ABCA13: variants seen among roughly 807,000 people sequenced by gnomAD.
ABCA13 encodes the protein ATP binding cassette subfamily A member 13.
ABCA13 carries 476 observed loss-of-function variants against 478.7 expected under a neutral mutation model. The observed-to-expected ratio is 0.99, with a 90% CI of 0.92 to 1.07. The LOEUF (loss-of-function observed/expected upper bound fraction) is 1.07, where lower values mean the gene tolerates loss of function less well. ABCA13 is among the 50% of genes least tolerant of loss of function. ABCA13 has a pLI of 0.00. For missense variants in ABCA13, 6,060 were observed against 5,910.6 expected, an observed-to-expected ratio of 1.03 and a Z score of -0.83; for synonymous variants, 2,252 against 2,158.9, an observed-to-expected ratio of 1.04 and a Z score of -1.20.
chr7:48,342,753 T>C (rs1807435470), intron 29 of ABCA13, among the ~76,000 whole-genome samples: 1 of 152,170 alleles, frequency 6.6e-6, no homozygotes, highest in African/African-American at 2.4e-5. Context: ...TTTCCTTTTC[T>C]ATATAATCCA....
intron 48 of ABCA13, among the ~76,000 whole-genome samples, chr7:48,494,569 C>T (rs1026068377): frequency 6.6e-6 from 1 of 152,142 alleles, no homozygotes; most frequent in Admixed American, 6.6e-5. Context: ...AACAAAAGGA[C>T]AGCAAAGCCA....
intron 43 of ABCA13, among the ~76,000 whole-genome samples, chr7:48,463,996 G>A (rs1432254586): frequency 3.3e-5 from 5 of 152,166 alleles, no homozygotes; most frequent in Admixed American, 6.5e-5. Flanking sequence ...GGCCCATTAG[G>A]AGTGTGTATT....
intron 29 of ABCA13, among the ~76,000 whole-genome samples, chr7:48,341,931 A>T (rs1807298638): frequency 8.4e-6 from 1 of 119,628 alleles, no homozygotes; most frequent in African/African-American, 3.2e-5. Flanking sequence ...ATATATACTC[A>T]TATATATATA....
chr7:48,279,008 A>G lies in ABCA13; in HGVS notation c.7814A>G (p.Glu2605Gly). 6.2e-7 allele frequency: 1 copy of G among 1,613,434 alleles called. No homozygotes were observed. Among genetic ancestry groups the G allele is most frequent in the Non-Finnish European group, 8.5e-7 (1 of 1,179,816 alleles). The change falls in exon 18 of 62, where the codon GAA (glutamate) becomes GGA (glycine). Residue 2605 changes from glutamate to glycine, a missense_variant. By Grantham distance (98) the Glu-to-Gly change is moderately conservative. Coordinates refer to ENST00000435803, the MANE Select transcript of ABCA13 (RefSeq NM_152701.5). ...TTGGCCTTTGAAATGATTGGGGTAGAACCTTATATATCATCAAACTCTGAT... is the reference window on the plus strand; with the variant it reads ...TTGGCCTTTGAAATGATTGGGGTAGGACCTTATATATCATCAAACTCTGAT... The part of the protein sequence containing the change: ...LDLAFEMIGV[E>G]PYISSNSDIF...
intron 55 of ABCA13, among the ~76,000 whole-genome samples, chr7:48,531,006 G>A (rs190840859): frequency 2.4e-3 from 366 of 152,174 alleles, no homozygotes; most frequent in Middle Eastern, 6.8e-3. Context: ...AGTCCCATCT[G>A]TTTATCTTTG....
At chr7:48,370,087 C>A (rs1812398147) in intron 32 of ABCA13, among the ~76,000 whole-genome samples, 1 of 152,082 alleles carries the variant, frequency 6.6e-6, no homozygotes, top group Admixed American at 6.6e-5. Flanking sequence ...TGTAGTTTTC[C>A]TTGTAGAGGT....
At chr7:48,481,682 A>G (rs1828785435) in intron 46 of ABCA13, among the ~76,000 whole-genome samples, 1 of 98,426 alleles carries the variant, frequency 1.0e-5, no homozygotes, top group Non-Finnish European at 2.2e-5. Flanking sequence ...ATTTTTTTGT[A>G]TTTTTAGTAG....
chr7:48,217,060 A>G (rs1786592970), intron 3 of ABCA13, among the ~76,000 whole-genome samples: 1 of 152,222 alleles, frequency 6.6e-6, no homozygotes, highest in Non-Finnish European at 1.5e-5. Context: ...GAATAGAACT[A>G]CCACTCTATA....
intron 55 of ABCA13, among the ~76,000 whole-genome samples, chr7:48,551,834 T>C (rs1210322224): frequency 6.6e-6 from 1 of 151,848 alleles, no homozygotes; most frequent in African/African-American, 2.4e-5. Context: ...AAGACAAGAA[T>C]GCACATGCCA....
intron 35 of ABCA13, among the ~76,000 whole-genome samples, chr7:48,377,882 C>T (rs1813749896): frequency 6.6e-6 from 1 of 152,084 alleles, no homozygotes; most frequent in African/African-American, 2.4e-5. Context: ...TTGTGATGTC[C>T]ATCTAAAATA....
intron 56 of ABCA13, among the ~76,000 whole-genome samples, chr7:48,582,811 T>G (rs549879153): frequency 6.6e-6 from 1 of 152,316 alleles, no homozygotes; most frequent in East Asian, 1.9e-4. Context: ...AACTTAGGTT[T>G]GACAAGTTAA....
At chr7:48,423,517 C>T (rs187230390) in intron 41 of ABCA13, among the ~76,000 whole-genome samples, 1 of 152,236 alleles carries the variant, frequency 6.6e-6, no homozygotes, top group East Asian at 1.9e-4. Context: ...ACCCTTTAAA[C>T]AGAGAACCCA....
chr7:48,610,500 G>A (rs1160379469), intron 58 of ABCA13, among the ~76,000 whole-genome samples: 1 of 152,166 alleles, frequency 6.6e-6, no homozygotes, highest in East Asian at 1.9e-4. Flanking sequence ...TGGTTTGGAG[G>A]GTGGTAGCCC....
intron 31 of ABCA13, among the ~76,000 whole-genome samples, chr7:48,358,141 C>CA (rs202049759): frequency 0.045 from 6,604 of 145,492 alleles, 334 homozygotes; most frequent in African/African-American, 0.11. Context: ...AACTCCGTCT[C>CA]AAAGAAAAGA....
intron 47 of ABCA13, among the ~76,000 whole-genome samples, chr7:48,487,354 A>C (rs1829428045): frequency 6.6e-6 from 1 of 151,798 alleles, no homozygotes; most frequent in Admixed American, 6.6e-5. Context: ...AAACAAACAC[A>C]AACAGAAGTC....
At chr7:48,453,028 G>A (rs1477361576) in intron 42 of ABCA13, among the ~76,000 whole-genome samples, 4 of 152,142 alleles carry the variant, frequency 2.6e-5, no homozygotes, top group Non-Finnish European at 5.9e-5. Flanking sequence ...TAGATAGGTA[G>A]AGATATAAAA....
chr7:48,450,027 T>C (rs1824794387), intron 42 of ABCA13, among the ~76,000 whole-genome samples: 1 of 152,254 alleles, frequency 6.6e-6, no homozygotes. Flanking sequence ...TTTTGTTTAC[T>C]TGTTTGACTC....
chr7:48,372,252 G>T lies in ABCA13; in HGVS notation c.10888G>T (p.Ala3630Ser). ...ENMAVLTISS[A>S]TLAIVLKTSG... ...CATGGCTGTGTTGACCATAAGCAGT[G>T]CTACTCTGGCCATCGTTCTGAAAAC... The change falls in exon 33 of 62, where the codon GCT becomes TCT. Residue 3630 changes from alanine to serine, a missense_variant. Ala to Ser is a moderately conservative substitution (Grantham distance 99). This residue lies in a region of ABCA13 where 4,423 missense variants were observed against 4,309.1 expected (regional missense o/e 1.03). Transcript: ENST00000435803. 6.2e-7 allele frequency: 1 copy of T among 1,613,916 alleles called. No individual in the cohort carries two copies. The highest frequency in any genetic ancestry group is 8.5e-7 in the Non-Finnish European group (1 of 1,179,868).
At chr7:48,523,320 G>T (rs1329022121) in intron 53 of ABCA13, among the ~76,000 whole-genome samples, 1 of 152,086 alleles carries the variant, frequency 6.6e-6, no homozygotes, top group East Asian at 1.9e-4. Context: ...ATAAAGAAAA[G>T]TTGCTGGGGA....
Sources: gnomAD v4.1 joint callset for allele counts (sites outside exome capture counted in the v4.1 genomes callset) on GRCh38, gnomAD v4.1.1 for gene constraint, gnomAD v4.1.1 regional missense constraint, MANE v1.5 for transcripts, NCBI Gene and HGNC (gene_info 2026-07-23, HGNC 2026-07-21) for gene names.